Variants in MYOCOS observed in about 807,000 individuals in gnomAD.
MYOCOS encodes myocilin opposite strand, also known as myocilin opposite strand protein.
At chr1:171,617,969 GT>G (rs1258591864), upstream of MYOCOS, among the ~76,000 whole-genome samples, 1 of 152,208 alleles carries the variant, frequency 6.6e-6, no homozygotes, top group Non-Finnish European at 1.5e-5. Context: ...AGGCTGGAAG[GT>G]GGGTAGGTGT....
intron 2 of MYOCOS, among the ~76,000 whole-genome samples, chr1:171,624,890 G>A (rs148721297): frequency 5.3e-4 from 80 of 152,148 alleles, no homozygotes; most frequent in Non-Finnish European, 9.4e-4. Context: ...GGCCCAAGAT[G>A]ACACCTCTAG....
chr1:171,623,753 T>G (rs940885721), intron 1 of MYOCOS, 88 bp from the exon 2 acceptor site: 1 of 396,964 alleles, frequency 2.5e-6, no homozygotes, highest in Non-Finnish European at 4.4e-6. Context: ...CAGTGAATGT[T>G]CTCTGCAAAC....
chr1:171,609,860 G>C (rs1652324413), intron 1 of MYOCOS, among the ~76,000 whole-genome samples: 1 of 152,196 alleles, frequency 6.6e-6, no homozygotes, highest in South Asian at 2.1e-4. Context: ...AGCTTAACTA[G>C]ATCCCTGTGG....
intron 1 of MYOCOS, chr1:171,614,713 C>T (rs1652417924): frequency 6.6e-6 from 1 of 152,218 alleles, no homozygotes; most frequent in African/African-American, 2.4e-5. Context: ...ACCATAGCAT[C>T]CACTGCAACA....
At chr1:171,603,714 A>C (rs1038020438) in intron 1 of MYOCOS, among the ~76,000 whole-genome samples, 3 of 152,212 alleles carry the variant, frequency 2.0e-5, no homozygotes, top group Admixed American at 1.3e-4. Flanking sequence ...AAGAGAAAAA[A>C]TGGCAGTTGG....
upstream of MYOCOS, among the ~76,000 whole-genome samples, chr1:171,620,153 C>CAGG (rs1652532504): frequency 1.3e-5 from 2 of 150,418 alleles, no homozygotes; most frequent in South Asian, 4.2e-4. Context: ...AACCCTAATA[C>CAGG]AGGAGGACAG....
chr1:171,615,211 G>T (rs1652424586), intron 2 of MYOCOS, among the ~76,000 whole-genome samples: 1 of 152,178 alleles, frequency 6.6e-6, no homozygotes, highest in South Asian at 2.1e-4. Flanking sequence ...AGAGTGACCA[G>T]GATGAAAGCA....
At chr1:171,611,566 C>T (rs1652352879) in intron 1 of MYOCOS, among the ~76,000 whole-genome samples, 1 of 152,184 alleles carries the variant, frequency 6.6e-6, no homozygotes, top group South Asian at 2.1e-4. Flanking sequence ...TTGTGAGTCA[C>T]CAATACCTCT....
chr1:171,601,034 G>A (rs1652131899), exon 1 of MYOCOS: 1 of 152,336 alleles, frequency 6.6e-6, no homozygotes, highest in South Asian at 2.1e-4. Context: ...CATCCCTGCA[G>A]GGGACTCCAG....
chr1:171,607,093 CAAAA>C (rs35353881), intron 1 of MYOCOS, among the ~76,000 whole-genome samples: 6 of 66,804 alleles, frequency 9.0e-5, no homozygotes, highest in Admixed American at 5.0e-4. Flanking sequence ...GACTCTGTCT[CAAAA>C]AAAAAAAAAA....
At chr1:171,604,999 G>A (rs959719894) in intron 1 of MYOCOS, among the ~76,000 whole-genome samples, 2 of 152,076 alleles carry the variant, frequency 1.3e-5, no homozygotes, top group Admixed American at 6.6e-5. Flanking sequence ...AAAAAAGGAA[G>A]TTCAAAGATG....
chr1:171,621,122 T>C (rs1183448851), upstream of MYOCOS, among the ~76,000 whole-genome samples: 1 of 152,072 alleles, frequency 6.6e-6, no homozygotes, highest in Non-Finnish European at 1.5e-5. Flanking sequence ...CTCTAAAATG[T>C]ATAAAACCAA....
chr1:171,601,273 G>T (rs543517843), intron 1 of MYOCOS, among the ~76,000 whole-genome samples: 1 of 152,206 alleles, frequency 6.6e-6, no homozygotes, highest in Non-Finnish European at 1.5e-5. Context: ...CCCAGGGTGT[G>T]CCTGCATTGG....
At position 171,605,396 on chromosome 1, in the gene MYOCOS, A is replaced by ACACACACACACACAC. The variant is rs1415539776; in HGVS notation, c.-252+4316_-252+4317insCACACACACACACAC. Among the ~76,000 whole-genome samples the ACACACACACACACAC allele has an allele frequency of 4.7e-4, 57 of 120,868 alleles. 1 individual carries two copies. The East Asian group carries it at 7.2e-3, about 15-fold the overall frequency. 79.3% of individuals were successfully genotyped at this position (120,868 alleles called of 152,430 possible). The stretch of plus-strand genomic sequence containing the variant: ...TACCACACACACACACACACACACA[A>ACACACACACACACAC]AAAAAAAAAAACAGTTACATGATAA... On this transcript the variant is annotated intron_variant, in intron 1 of 3. Transcript: ENST00000636697.
intron 1 of MYOCOS, among the ~76,000 whole-genome samples, chr1:171,607,674 C>T (rs1652276606): frequency 6.6e-6 from 1 of 152,190 alleles, no homozygotes; most frequent in Non-Finnish European, 1.5e-5. Flanking sequence ...CATTCCAATA[C>T]CTGTAGGTCT....
At chr1:171,604,953 T>C (rs1380841033) in intron 1 of MYOCOS, among the ~76,000 whole-genome samples, 1 of 152,036 alleles carries the variant, frequency 6.6e-6, no homozygotes, top group African/African-American at 2.4e-5. Flanking sequence ...TAGGCATTGA[T>C]GAAAAAGGAC....
chr1:171,611,254 T>C lies in MYOCOS; in HGVS notation c.-251-3544T>C, dbSNP rs867526926. 5.0e-4 allele frequency among the ~76,000 whole-genome samples: 76 copies of C among 152,276 alleles called. 2 individuals carry two copies. The Middle Eastern group carries it at 0.01, about 20-fold the overall frequency. On this transcript the variant is annotated intron_variant, in intron 1 of 3. Coordinates refer to the MYOCOS transcript ENST00000636697. The stretch of plus-strand genomic sequence containing the variant: ...CTATAAGAGACTCCTTGGACAAACA[T>C]AGGGATAAATTCAGGGAGAGGTGCT...
intron 1 of MYOCOS, among the ~76,000 whole-genome samples, chr1:171,613,557 G>C (rs12735884): frequency 1.4e-5 from 2 of 146,264 alleles, no homozygotes; most frequent in Admixed American, 1.3e-4. Flanking sequence ...TTTTTTTTTT[G>C]TTTTTGGCAA....
At chr1:171,610,056 C>G (rs754366534) in intron 1 of MYOCOS, among the ~76,000 whole-genome samples, 10 of 152,216 alleles carry the variant, frequency 6.6e-5, no homozygotes, top group Admixed American at 1.3e-4. Context: ...TCCAAGCAAG[C>G]AAGCAAGCCA....
Sources: gnomAD v4.1 joint callset for allele counts (sites outside exome capture counted in the v4.1 genomes callset) on GRCh38, gnomAD v4.1.1 for gene constraint, MANE v1.5 for transcripts, NCBI Gene and HGNC (gene_info 2026-07-23, HGNC 2026-07-21) for gene names.